The following ASH1L variants were observed in gnomAD, a reference collection of about 807,000 sequenced individuals.
ASH1L encodes histone-lysine N-methyltransferase ASH1L.
Under a neutral mutation model 269.0 loss-of-function variants are expected in ASH1L, and 23 were observed. The observed-to-expected ratio is 0.09, with a 90% confidence interval of 0.06 to 0.12. The LOEUF (loss-of-function observed/expected upper bound fraction) is 0.12, where lower values mean the gene tolerates loss of function less well. Ranked by LOEUF, ASH1L falls within the 10% of genes least tolerant of loss-of-function variation. The pLI is 1.00. For synonymous variants in ASH1L, 1,187 were observed against 1,253.5 expected, an observed-to-expected ratio of 0.95 and a Z score of 1.12; for missense variants, 2,912 against 3,567.8, an observed-to-expected ratio of 0.82 and a Z score of 4.68.
intron 16 of ASH1L, 132 bp downstream of exon 16, chr1:155,354,341 G>A: frequency 4.0e-6 from 3 of 748,590 alleles, no homozygotes; most frequent in Non-Finnish European, 6.2e-6. Flanking sequence ...TACTCAGGAG[G>A]CTGAGGCAGG....
In ASH1L at chr1:155,482,128, A is replaced by G. The variant is rs755884247; in HGVS notation, c.742T>C (p.Leu248=). 7.4e-6 allele frequency: 12 copies of G among 1,613,966 alleles called. No individual in the cohort carries two copies. Among genetic ancestry groups the G allele is most frequent in the Middle Eastern group, 1.6e-4 (1 of 6,084 alleles). The stretch of plus-strand genomic sequence containing the variant: ...TTCCTGATCAAATCCTTGCTAACCA[A>G]TCCTGCTGTAGTGCCAGTTCCTAAC... ...KKLGTGTTAG[L]VSKDLIRKAG... is the part of the protein sequence containing the mutation. Residue 248 remains leucine (L), a synonymous_variant, in exon 3 of 28, where the codon TTG becomes CTG. Coordinates refer to ENST00000392403, the MANE Select transcript of ASH1L (RefSeq NM_018489.3).
At chr1:155,471,610 C>G (rs909947089) in intron 3 of ASH1L, among the ~76,000 whole-genome samples, 1 of 152,300 alleles carries the variant, frequency 6.6e-6, no homozygotes, top group South Asian at 2.1e-4. Flanking sequence ...GTCTGTGGAC[C>G]CTTCTTGCAC....
intron 27 of ASH1L, 59 bp downstream of exon 27, chr1:155,338,029 TC>T: frequency 1.3e-6 from 2 of 1,521,592 alleles, no homozygotes; most frequent in Non-Finnish European, 1.8e-6. Flanking sequence ...ACAATTTTTT[TC>T]CATTCCCTCT....
chr1:155,442,605 C>CAA (rs35346996), intron 4 of ASH1L, among the ~76,000 whole-genome samples: 4 of 132,112 alleles, frequency 3.0e-5, no homozygotes, highest in South Asian at 2.4e-4. Context: ...AAAAAAAAAT[C>CAA]AAAAAAAAAA....
chr1:155,405,049 T>C (rs1659156175), intron 6 of ASH1L, among the ~76,000 whole-genome samples: 1 of 146,744 alleles, frequency 6.8e-6, no homozygotes, highest in South Asian at 2.1e-4. Context: ...AATAATAGAA[T>C]AAAAATAAAA....
chr1:155,471,230 T>C (rs1346775521), intron 3 of ASH1L, among the ~76,000 whole-genome samples: 1 of 152,190 alleles, frequency 6.6e-6, no homozygotes, highest in East Asian at 1.9e-4. Flanking sequence ...GTAAAGAATA[T>C]AGCTGGTCTT....
intron 20 of ASH1L, among the ~76,000 whole-genome samples, 184 bp from the exon 21 acceptor site, chr1:155,346,653 C>G (rs1011637888): frequency 2.0e-5 from 3 of 152,128 alleles, no homozygotes; most frequent in African/African-American, 7.2e-5. Flanking sequence ...AATGACTGTT[C>G]TAAGCAAAAG....
chr1:155,474,270 C>T (rs1411664562), intron 3 of ASH1L, among the ~76,000 whole-genome samples: 1 of 152,058 alleles, frequency 6.6e-6, no homozygotes, highest in African/African-American at 2.4e-5. Context: ...ATGATATTGC[C>T]TAACACAATT....
Position 155,481,099 on chromosome 1 carries a change from G to A in ASH1L, c.1771C>T (p.Leu591=). The change falls in exon 3 of 28, where the codon CTA becomes TTA. Residue 591 remains leucine, a synonymous_variant. Coordinates refer to ENST00000392403, the MANE Select transcript of ASH1L (RefSeq NM_018489.3). ...ACAGATTCAGAAATTTCTTCGATTA[G>A]TTCTGTAGTAGAACTTAAAAGTAAT... ...NPLLLSSTTE[L]IEEISESVGK... 1.2e-6 allele frequency: 2 copies of A among 1,614,086 alleles called. No homozygotes were observed. The highest frequency in any genetic ancestry group is 1.7e-6 in the Non-Finnish European group (2 of 1,179,976).
intron 5 of ASH1L, among the ~76,000 whole-genome samples, chr1:155,429,842 C>T (rs181470548): frequency 1.8e-4 from 27 of 152,232 alleles, no homozygotes; most frequent in African/African-American, 5.3e-4. Flanking sequence ...CTTTGTCACC[C>T]AGGATGGAAT....
rs1558027299 is a variant in ASH1L, at chr1:155,357,132, T to TA, written c.7055+183_7055+184insT. On this transcript the variant is annotated intron_variant, in intron 15 of 27. Transcript: ENST00000392403. ...ACACACACACACAAAAGGGTAAGAC[T>TA]TAAAAAAAAAAAAAAAAAAAAAAAA... 4.1e-3 allele frequency among the ~76,000 whole-genome samples: 27 copies of TA among 6,648 alleles called. 11 individuals are homozygous for TA. The highest frequency in any genetic ancestry group is 0.018 in the Admixed American group (5 of 272). The allele number at this position is 6,648 out of a possible 152,430, so 4.4% of individuals were successfully genotyped here.
chr1:155,461,633 A>G (rs1664308469), intron 3 of ASH1L, among the ~76,000 whole-genome samples: 1 of 152,202 alleles, frequency 6.6e-6, no homozygotes, highest in African/African-American at 2.4e-5. Context: ...CAGAGAAGAC[A>G]TAACTTTAAG....
chr1:155,559,663 GTA>G (rs1335108216), intron 1 of ASH1L, among the ~76,000 whole-genome samples: 1 of 152,064 alleles, frequency 6.6e-6, no homozygotes, highest in African/African-American at 2.4e-5. Flanking sequence ...TTGCAATTGG[GTA>G]ACAAAATTTC....
intron 6 of ASH1L, among the ~76,000 whole-genome samples, chr1:155,397,510 AAAAAG>A (rs574529105): frequency 0.01 from 1,528 of 151,772 alleles, 32 homozygotes; most frequent in African/African-American, 0.035. Context: ...AAAAAAAAAA[AAAAAG>A]AAAGAAAGAT....
At chr1:155,526,039 T>C (rs1669230164) in intron 1 of ASH1L, among the ~76,000 whole-genome samples, 1 of 152,156 alleles carries the variant, frequency 6.6e-6, no homozygotes, top group South Asian at 2.1e-4. Context: ...TTTTTTCTAA[T>C]ATTTTTCATC....
chr1:155,561,308 A>G (rs559302206), intron 1 of ASH1L, among the ~76,000 whole-genome samples: 14 of 142,918 alleles, frequency 9.8e-5, no homozygotes, highest in African/African-American at 3.2e-4. Flanking sequence ...GGCCCTTCAC[A>G]TTTACACAAC....
intron 2 of ASH1L, among the ~76,000 whole-genome samples, chr1:155,486,054 T>A (rs1199072748): frequency 6.6e-6 from 1 of 152,100 alleles, no homozygotes; most frequent in Non-Finnish European, 1.5e-5. Flanking sequence ...AATCACAGAG[T>A]AAGTCTAATT....
intron 12 of ASH1L, among the ~76,000 whole-genome samples, chr1:155,364,346 C>G (rs940486487): frequency 2.6e-5 from 4 of 152,168 alleles, no homozygotes; most frequent in African/African-American, 9.6e-5. Context: ...TGGGGACATA[C>G]TTAGGATTAG....
rs561080711 is a variant in ASH1L, at chr1:155,413,177, T to C, written c.6008+2567A>G. Among the ~76,000 whole-genome samples the C allele has an allele frequency of 4.6e-5, 7 of 152,308 alleles. No individual in the cohort carries two copies. The East Asian group carries it at 1.3e-3, about 29-fold the overall frequency. Reference sequence around the variant, plus strand: ...CATTTCTACTGACAGAATGTTGATTTTTTTTTTCCTTAACAGCTATTAACA... The same window carrying C: ...CATTTCTACTGACAGAATGTTGATTCTTTTTTTCCTTAACAGCTATTAACA... On this transcript the variant is annotated intron_variant, in intron 6 of 27. Transcript: ENST00000392403.
Sources: gnomAD v4.1 joint callset for allele counts (sites outside exome capture counted in the v4.1 genomes callset) on GRCh38, gnomAD v4.1.1 for gene constraint, MANE v1.5 for transcripts, NCBI Gene and HGNC (gene_info 2026-07-23, HGNC 2026-07-21) for gene names.